The following ARHGAP29 variants were observed in gnomAD, a reference collection of about 807,000 sequenced individuals.
The protein encoded by ARHGAP29 is rho GTPase-activating protein 29.
In ARHGAP29, 43 loss-of-function variants were observed where a neutral mutation model predicts 122.6. That is an observed-to-expected ratio of 0.35 (90% CI 0.27 to 0.45). The LOEUF (loss-of-function observed/expected upper bound fraction) is 0.45, where lower values mean the gene tolerates loss of function less well. ARHGAP29 is among the 20% of genes least tolerant of loss of function. The pLI is 1.00. For missense variants in ARHGAP29, 1,303 were observed against 1,477.2 expected, an observed-to-expected ratio of 0.88 and a Z score of 1.93; for synonymous variants, 506 against 497.1, an observed-to-expected ratio of 1.02 and a Z score of -0.24.
intron 3 of ARHGAP29, among the ~76,000 whole-genome samples, chr1:94,216,707 T>TA (rs1651972979): frequency 6.6e-6 from 1 of 152,126 alleles, no homozygotes; most frequent in Admixed American, 6.5e-5. Context: ...ATGCAGAACA[T>TA]AAAAAACCTA....
rs575619343 is a variant in ARHGAP29 at position 94,177,552 on chromosome 1, C to T, written c.2905+60G>A. On this transcript the variant is annotated intron_variant, in intron 22 of 22. Coordinates refer to ENST00000260526, the MANE Select transcript of ARHGAP29 (RefSeq NM_004815.4). ...TTGCCCCTCACCTTGGTTTTAATCA[C>T]GGTTCTACTGGTAAAATTTTAAGCC... 9.6e-6 allele frequency: 13 copies of T among 1,353,242 alleles called. No individual in the cohort carries two copies. In the East Asian group the frequency reaches 1.9e-4, roughly 20 times the overall value. The allele number at this position is 1,353,242 out of a possible 1,614,324, so 83.8% of individuals were successfully genotyped here. A position where few individuals can be genotyped will look rare whatever the true frequency, so the allele number is the denominator to read the frequency against.
In ARHGAP29 at chr1:94,178,415, G is replaced by A. The variant is rs1649247685; in HGVS notation, c.2481-248C>T. ...AGGAACTACTATAGTTTTACCAGCA[G>A]AAAGAAAAAATACCCCTAAAAACTG... is the stretch of plus-strand genomic sequence containing the variant. On this transcript the variant is annotated intron_variant, in intron 20 of 22. Coordinates refer to ENST00000260526, the MANE Select transcript of ARHGAP29 (RefSeq NM_004815.4). Among the ~76,000 whole-genome samples the A allele has an allele frequency of 2.6e-5, 4 of 152,146 alleles. No homozygotes were observed. The South Asian group carries it at 6.2e-4, about 24-fold the overall frequency.
rs1422723835 is a variant in ARHGAP29, at chr1:94,170,747, T to C, written c.*3122A>G. On this transcript the variant is annotated 3_prime_UTR_variant, in exon 23 of 23. Coordinates refer to ENST00000260526, the MANE Select transcript of ARHGAP29 (RefSeq NM_004815.4). ...TGAGTCTTCTAATTCGTGTACATTA[T>C]GGAGTACTACATTTATTTAAGATCT... is the stretch of plus-strand genomic sequence containing the variant. 3.3e-5 allele frequency among the ~76,000 whole-genome samples: 5 copies of C among 152,264 alleles called. No homozygotes were observed. The highest frequency in any genetic ancestry group is 7.3e-5 in the Non-Finnish European group (5 of 68,044).
Position 94,257,198 on chromosome 1 carries a change from T to C in ARHGAP29, c.-33+17814A>G, listed in dbSNP as rs879650832. 6.6e-4 allele frequency among the ~76,000 whole-genome samples: 100 copies of C among 151,798 alleles called. 1 individual carries two copies. Among genetic ancestry groups the C allele is most frequent in the Admixed American group, 3.2e-3 (49 of 15,242 alleles). ...GCAGGCAAATCATGAGGGCAGGAGA[T>C]GGAGATTATCCTGGCCAACATTGTG... On this transcript the variant is annotated intron_variant and NMD_transcript_variant, in intron 1 of 25. Transcript: ENST00000552844.
intron 2 of ARHGAP29, among the ~76,000 whole-genome samples, chr1:94,226,694 G>A (rs940158088): frequency 4.0e-5 from 6 of 151,308 alleles, no homozygotes; most frequent in Admixed American, 2.0e-4. Context: ...CTAATACACC[G>A]AGAACTGGTA....
intron 15 of ARHGAP29, among the ~76,000 whole-genome samples, chr1:94,188,034 T>A (rs1649910761): frequency 6.6e-6 from 1 of 152,172 alleles, no homozygotes; most frequent in South Asian, 2.1e-4. Context: ...TGTAATCTAT[T>A]AAGATCCTAG....
intron 1 of ARHGAP29, among the ~76,000 whole-genome samples, chr1:94,273,110 G>A (rs1481766982): frequency 1.3e-5 from 2 of 152,168 alleles, no homozygotes; most frequent in African/African-American, 4.8e-5. Flanking sequence ...GGATAGATGA[G>A]TACTTAAAGG....
intron 1 of ARHGAP29, among the ~76,000 whole-genome samples, chr1:94,259,413 A>T: frequency 6.6e-6 from 1 of 152,234 alleles, no homozygotes; most frequent in East Asian, 1.9e-4. Context: ...TCCCCATAAA[A>T]TGCATGTCTT....
intron 16 of ARHGAP29, 92 bp from the exon 17 acceptor site, chr1:94,185,573 T>C (rs1649748205): frequency 9.0e-7 from 1 of 1,116,986 alleles, no homozygotes; most frequent in Admixed American, 3.5e-5. Context: ...AACCCTGTAA[T>C]CATTCATATA....
chr1:94,173,779 A>C lies in ARHGAP29; in HGVS notation c.*90T>G. 2 of 1,454,430 alleles carry C rather than the reference A, an allele frequency of 1.4e-6. No individual in the cohort carries two copies. Among genetic ancestry groups the C allele is most frequent in the Non-Finnish European group, 1.8e-6 (2 of 1,086,142 alleles). The allele number at this position is 1,454,430 out of a possible 1,614,324, so 90.1% of individuals were successfully genotyped here. A position where few individuals can be genotyped will look rare whatever the true frequency, so the allele number is the denominator to read the frequency against. ...CCATGATTTGGCAGTCCTATACAAA[A>C]GAGGCCCTGTCAAAACATTCTTTCA... On this transcript the variant is annotated 3_prime_UTR_variant, in exon 23 of 23. Coordinates refer to ENST00000260526, the MANE Select transcript of ARHGAP29 (RefSeq NM_004815.4).
the ARHGAP29 span, among the ~76,000 whole-genome samples, chr1:94,291,855 C>A: frequency 6.6e-6 from 1 of 152,202 alleles, no homozygotes; most frequent in Non-Finnish European, 1.5e-5. Context: ...TTGTGGGTAA[C>A]CCAACCCTTC....
In ARHGAP29 at chr1:94,234,350, C is replaced by T. The variant is rs1391693123; in HGVS notation, c.-32-2707G>A. 1.1e-4 allele frequency among the ~76,000 whole-genome samples: 17 copies of T among 152,124 alleles called. 3 individuals are homozygous for T. In the South Asian group the frequency reaches 3.5e-3, roughly 32 times the overall value. On this transcript the variant is annotated intron_variant, in intron 1 of 22. Coordinates refer to ENST00000260526, the MANE Select transcript of ARHGAP29 (RefSeq NM_004815.4). ...AAACAAAAATAACTCTGGGTTGTTGCAATGTTTTGAAGTGAAAATATAAAT... is the reference window on the plus strand; with the variant it reads ...AAACAAAAATAACTCTGGGTTGTTGTAATGTTTTGAAGTGAAAATATAAAT...
At chr1:94,194,804 T>C (rs750462106) in intron 12 of ARHGAP29, 10 of 152,254 alleles carry the variant, frequency 6.6e-5, no homozygotes, top group South Asian at 2.1e-4. Context: ...GAGGTTCTAA[T>C]GAGAATTTAC....
intron 20 of ARHGAP29, 113 bp downstream of exon 20, chr1:94,179,612 A>AAG (rs1649323432): frequency 1.6e-6 from 1 of 643,060 alleles, no homozygotes; most frequent in Non-Finnish European, 2.4e-6. Context: ...AAAAAAAAAA[A>AAG]AAAAAAGAAT....
chr1:94,312,542 C>G, the ARHGAP29 span, among the ~76,000 whole-genome samples: 1 of 151,772 alleles, frequency 6.6e-6, no homozygotes, highest in African/African-American at 2.4e-5. Context: ...AGTGATTCTC[C>G]TGCCTCAGCC....
At chr1:94,302,521 G>A in the ARHGAP29 span, 1 of 325,274 alleles carries the variant, frequency 3.1e-6, no homozygotes, top group Non-Finnish European at 6.1e-6. Context: ...AATAACTCTG[G>A]CATCATGAAG....
intron 1 of ARHGAP29, among the ~76,000 whole-genome samples, chr1:94,234,375 T>C (rs1027482260): frequency 7.9e-5 from 12 of 152,168 alleles, no homozygotes; most frequent in African/African-American, 2.9e-4. Flanking sequence ...AAAATATAAA[T>C]TTTTAAAAAA....
chr1:94,240,034 A>G (rs981588955), upstream of ARHGAP29, among the ~76,000 whole-genome samples: 2 of 152,174 alleles, frequency 1.3e-5, no homozygotes, highest in African/African-American at 2.4e-5. Flanking sequence ...CTGAAGGCCA[A>G]GGAGAGTGGG....
chr1:94,241,652 A>G (rs1653579748), upstream of ARHGAP29, among the ~76,000 whole-genome samples: 1 of 143,576 alleles, frequency 7.0e-6, no homozygotes, highest in Admixed American at 7.2e-5. Context: ...TTATATATAT[A>G]TCTTATATAT....
Sources: gnomAD v4.1 joint callset for allele counts (sites outside exome capture counted in the v4.1 genomes callset) on GRCh38, gnomAD v4.1.1 for gene constraint, MANE v1.5 for transcripts, NCBI Gene and HGNC (gene_info 2026-07-23, HGNC 2026-07-21) for gene names.